PDE6B: variants seen among roughly 807,000 people sequenced by gnomAD.
PDE6B encodes phosphodiesterase 6B, also known as rod cGMP-specific 3',5'-cyclic phosphodiesterase subunit beta.
In PDE6B, 106 loss-of-function variants were observed where a neutral mutation model predicts 109.0. That is an observed-to-expected ratio of 0.97 (90% confidence interval 0.83 to 1.14). The LOEUF (loss-of-function observed/expected upper bound fraction) is 1.14. Among genes scored for constraint, PDE6B ranks in the 50% most tolerant of loss-of-function variants. PDE6B has a pLI of 0.00. For synonymous variants in PDE6B, 490 were observed against 471.3 expected (o/e 1.04, Z -0.51); for missense variants, 1,193 against 1,155.6 (o/e 1.03, Z -0.47).
chr4:626,079 C>T lies in PDE6B; in HGVS notation c.453C>T (p.Val151=), dbSNP rs763598544. 5 of 1,585,764 alleles carry T rather than the reference C, an allele frequency of 3.2e-6. No individual in the cohort carries two copies. Among genetic ancestry groups the T allele is most frequent in the Middle Eastern group, 1.7e-4 (1 of 5,754 alleles). ...HVAQTKKMVN[V]EDVAECPHFS... Reference sequence around the variant, plus strand: ...CTCAGACCAAAAAGATGGTGAACGTCGAGGACGTGGCCGAGGTGGGTCTGT... The same window carrying T: ...CTCAGACCAAAAAGATGGTGAACGTTGAGGACGTGGCCGAGGTGGGTCTGT... The change falls in exon 1 of 22, where the codon GTC becomes GTT. Residue 151 remains valine (V), a synonymous_variant. Coordinates refer to ENST00000496514, the MANE Select transcript of PDE6B (RefSeq NM_000283.4). This position sits in a 1 kb window ranked among gnomAD's most constrained non-coding sequence, Gnocchi z 4.6.
Position 663,987 on chromosome 4 carries a change from C to G in PDE6B, c.2021+117C>G, listed in dbSNP as rs1257476090. On this transcript the variant is annotated intron_variant, in intron 16 of 21. Transcript: ENST00000496514. The surrounding 1 kb of genome is among the most constrained non-coding windows in gnomAD (Gnocchi z 4.0). ...GGGGACGCAGCCCCGGATTCCGTCC[C>G]TGCCCGCCGGCCCCGCGCACCCCGG... The G allele has an allele frequency of 9.0e-7, 1 of 1,112,988 alleles. No individual in the cohort carries two copies. The highest frequency in any genetic ancestry group is 2.4e-5 in the East Asian group (1 of 40,926). The allele number at this position is 1,112,988 out of a possible 1,614,324, so 68.9% of individuals were successfully genotyped here.
chr4:635,792 G>A, intron 2 of PDE6B, 88 bp from the exon 3 acceptor site: 1 of 769,676 alleles, frequency 1.3e-6, no homozygotes, highest in Non-Finnish European at 2.4e-6. Context: ...GCACCCTCAG[G>A]CGAGCATGTT....
Position 665,989 on chromosome 4 carries a change from G to A in PDE6B, c.2269-542G>A, listed in dbSNP as rs1051981797. 2.0e-5 allele frequency among the ~76,000 whole-genome samples: 3 copies of A among 152,178 alleles called. No homozygotes were observed. Among genetic ancestry groups the A allele is most frequent in the Admixed American group, 6.5e-5 (1 of 15,286 alleles). On this transcript the variant is annotated intron_variant, in intron 19 of 21. Coordinates refer to ENST00000496514, the MANE Select transcript of PDE6B (RefSeq NM_000283.4). The surrounding 1 kb of genome is among the most constrained non-coding windows in gnomAD (Gnocchi z 4.0). Reference sequence around the variant, plus strand: ...GGTTGGTCAGCAAAGCCCCACAGGGGAAGGACAGGCAGCAGGTCCATCCCC... The same window carrying A: ...GGTTGGTCAGCAAAGCCCCACAGGGAAAGGACAGGCAGCAGGTCCATCCCC...
At position 663,362 on chromosome 4, in the gene PDE6B, C is replaced by T. The variant is rs1183906083; in HGVS notation, c.1920+175C>T. Among the ~76,000 whole-genome samples, 2 of 152,146 alleles carry T rather than the reference C, an allele frequency of 1.3e-5. No individual in the cohort carries two copies. The highest frequency in any genetic ancestry group is 6.5e-5 in the Admixed American group (1 of 15,278). ...GGGCCGAGGCTGAGGGCAGGTGCAT[C>T]GGAGGCCCTGGGAAAACGCTTGTGG... On this transcript the variant is annotated intron_variant, in intron 15 of 21. Transcript: ENST00000496514. The surrounding 1 kb of genome is among the most constrained non-coding windows in gnomAD (Gnocchi z 4.0).
At chr4:664,288 G>A (rs1442462115) in intron 17 of PDE6B, 67 bp downstream of exon 17, 2 of 902,746 alleles carry the variant, frequency 2.2e-6, no homozygotes, top group African/African-American at 1.6e-5. Flanking sequence ...TCACCAGCTG[G>A]TTAACCCTGC....
intron 10 of PDE6B, 105 bp downstream of exon 10, chr4:657,599 AGGTCATCCAGG>A (rs1459397972): frequency 1.9e-6 from 2 of 1,055,312 alleles, no homozygotes; most frequent in East Asian, 3.2e-5. Flanking sequence ...TGGTGGGGGC[AGGTCATCCAGG>A]GGTCACCCAG....
chr4:629,541 G>A (rs1325347673), intron 1 of PDE6B, among the ~76,000 whole-genome samples: 1 of 152,258 alleles, frequency 6.6e-6, no homozygotes. Flanking sequence ...GACCGTCATG[G>A]GAACCCATCC....
intron 7 of PDE6B, 51 bp downstream of exon 7, chr4:656,057 G>C (rs187600546): frequency 1.6e-6 from 2 of 1,212,180 alleles, no homozygotes; most frequent in Middle Eastern, 1.9e-4. Context: ...CACTGGGTGC[G>C]GCGATGTGTG....
rs940585809 is a variant in PDE6B, at chr4:647,710, A to G, written c.712-6142A>G. On this transcript the variant is annotated intron_variant, in intron 3 of 21. Coordinates refer to ENST00000496514, the MANE Select transcript of PDE6B (RefSeq NM_000283.4). ...CGCATCTCGGGTGAGGGCTTCACAG[A>G]TGCATGGGGGGAGGGGCACGCAATC... Among the ~76,000 whole-genome samples the G allele has an allele frequency of 2.6e-5, 4 of 151,914 alleles. 1 individual carries two copies. The highest frequency in any genetic ancestry group is 9.7e-5 in the African/African-American group (4 of 41,246).
Position 663,604 on chromosome 4 carries a change from C to A in PDE6B, c.1921-166C>A. The A allele has an allele frequency of 1.5e-6, 1 of 664,100 alleles. No individual in the cohort carries two copies. The highest frequency in any genetic ancestry group is 2.7e-6 in the Non-Finnish European group (1 of 365,226). The allele number at this position is 664,100 out of a possible 1,614,324, so 41.1% of individuals were successfully genotyped here. A position where few individuals can be genotyped will look rare whatever the true frequency, so the allele number is the denominator to read the frequency against. On this transcript the variant is annotated intron_variant, in intron 15 of 21. Coordinates refer to ENST00000496514, the MANE Select transcript of PDE6B (RefSeq NM_000283.4). The surrounding 1 kb of genome is among the most constrained non-coding windows in gnomAD (Gnocchi z 4.0). ...GGAGCCGCTGGTGGAGAGCTGGGCA[C>A]CCTGAGGAGGGCCCTGAGCAGCAGG... is the stretch of plus-strand genomic sequence containing the variant.
At position 656,909 on chromosome 4, in the gene PDE6B, G is replaced by C. The variant is rs1191669298; in HGVS notation, c.1143G>C (p.Lys381Asn). 42 of 1,612,868 alleles carry C rather than the reference G, an allele frequency of 2.6e-5. No homozygotes were observed. Among genetic ancestry groups the C allele is most frequent in the Non-Finnish European group, 3.4e-5 (40 of 1,179,960 alleles). ...TGGACGACTCCGGGTGGCTCATCAA[G>C]AATGTGCTGTCCATGCCCATCGTCA... ...GALDDSGWLIKNVLSMPIVNK... is the reference protein window; with the variant it reads ...GALDDSGWLINNVLSMPIVNK... Residue 381 changes from lysine (K) to asparagine (N), a missense_variant, in exon 9 of 22, where the codon AAG (lysine) becomes AAC (asparagine). Lys to Asn is a moderately conservative substitution (Grantham distance 94). Transcript: ENST00000496514.
Position 653,882 on chromosome 4 carries a change from G to T in PDE6B, c.742G>T (p.Glu248Ter). ...VLLWSANKVF[E>*]ELTDIERQFH... ...GCTGTGGTCGGCCAACAAGGTGTTT[G>T]AGGAGCTGACGGACATCGAGAGGCA... Residue 248 changes from glutamate (E) to a stop codon, truncating the protein, a stop_gained, in exon 4 of 22, where the codon GAG (glutamate) becomes TAG (stop). Coordinates refer to ENST00000496514, the MANE Select transcript of PDE6B (RefSeq NM_000283.4). LOFTEE classifies it high-confidence loss of function. 5 of 1,613,884 alleles carry T rather than the reference G, an allele frequency of 3.1e-6. No individual in the cohort carries two copies. Among genetic ancestry groups the T allele is most frequent in the Non-Finnish European group, 4.2e-6 (5 of 1,180,026 alleles).
chr4:664,660 A>G lies in PDE6B; in HGVS notation c.2130-221A>G, dbSNP rs1378839640. On this transcript the variant is annotated intron_variant, in intron 17 of 21. Coordinates refer to ENST00000496514, the MANE Select transcript of PDE6B (RefSeq NM_000283.4). ...GTGAAACCCCGTCTCTACCGAAAAT[A>G]CAAAAATTAGCCGGGCGTGGTGGCG... Among the ~76,000 whole-genome samples, 12 of 152,256 alleles carry G rather than the reference A, an allele frequency of 7.9e-5. No homozygotes were observed. In the South Asian group the frequency reaches 1.7e-3, roughly 21 times the overall value.
At position 666,476 on chromosome 4, in the gene PDE6B, C is replaced by A; in HGVS notation, c.2269-55C>A. On this transcript the variant is annotated intron_variant, in intron 19 of 21. Coordinates refer to ENST00000496514, the MANE Select transcript of PDE6B (RefSeq NM_000283.4). The surrounding 1 kb of genome is among the most constrained non-coding windows in gnomAD (Gnocchi z 5.6). The stretch of plus-strand genomic sequence containing the variant: ...GAGGGGGTCGGGGGGCTGGGCGGGG[C>A]CCCAGGAGCTGCCTCCCTGGTCACT... 8.1e-6 allele frequency: 10 copies of A among 1,228,616 alleles called. No individual in the cohort carries two copies. The highest frequency in any genetic ancestry group is 1.1e-5 in the Non-Finnish European group (9 of 830,280). 76.1% of individuals were successfully genotyped at this position (1,228,616 alleles called of 1,614,324 possible). A position where few individuals can be genotyped will look rare whatever the true frequency, so the allele number is the denominator to read the frequency against.
intron 3 of PDE6B, among the ~76,000 whole-genome samples, chr4:647,050 G>A (rs1735240243): frequency 6.6e-6 from 1 of 151,874 alleles, no homozygotes; most frequent in Admixed American, 6.6e-5. Flanking sequence ...GTAGAGATGA[G>A]TGTCACCATG....
Position 648,740 on chromosome 4 carries a change from G to A in PDE6B, c.712-5112G>A, listed in dbSNP as rs1362225447. The stretch of plus-strand genomic sequence containing the variant: ...GCAGCTGCCTGTTCGGCTTAGTGGA[G>A]CAATTCTCACCGCCCAGCTGTCTGA... On this transcript the variant is annotated intron_variant, in intron 3 of 21. Transcript: ENST00000496514. The surrounding 1 kb of genome is among the most constrained non-coding windows in gnomAD (Gnocchi z 4.5). Among the ~76,000 whole-genome samples the A allele has an allele frequency of 1.3e-5, 2 of 152,246 alleles. No homozygotes were observed. The highest frequency in any genetic ancestry group is 4.8e-5 in the African/African-American group (2 of 41,478).
Position 663,312 on chromosome 4 carries a change from G to A in PDE6B, c.1920+125G>A, listed in dbSNP as rs1035460245. On this transcript the variant is annotated intron_variant, in intron 15 of 21. Transcript: ENST00000496514. This position sits in a 1 kb window ranked among gnomAD's most constrained non-coding sequence, Gnocchi z 4.0. ...GGTGAGCACTGGGTGTGTGAGCACT[G>A]GGGGAGGGCGGCAGAGAAGGCGGAG... 8.5e-6 allele frequency: 6 copies of A among 706,096 alleles called. No individual in the cohort carries two copies. In the Admixed American group the frequency reaches 1.1e-4, roughly 13 times the overall value. 43.7% of individuals were successfully genotyped at this position (706,096 alleles called of 1,614,324 possible).
chr4:660,381 G>C lies in PDE6B; in HGVS notation c.1468-86G>C, dbSNP rs562877267. On this transcript the variant is annotated intron_variant, in intron 11 of 21. Coordinates refer to ENST00000496514, the MANE Select transcript of PDE6B (RefSeq NM_000283.4). ...AGATGCCTGAGGTGTCTGAGGCTTG[G>C]CAGGGGATCTGGAGAGAAGAAAGGA... 21 of 1,368,250 alleles carry C rather than the reference G, an allele frequency of 1.5e-5. No individual in the cohort carries two copies. In the South Asian group the frequency reaches 2.3e-4, roughly 15 times the overall value. 84.8% of individuals were successfully genotyped at this position (1,368,250 alleles called of 1,614,324 possible). A position where few individuals can be genotyped will look rare whatever the true frequency, so the allele number is the denominator to read the frequency against.
chr4:652,401 G>C (rs1379053157), intron 3 of PDE6B: 5 of 509,846 alleles, frequency 9.8e-6, no homozygotes, highest in Non-Finnish European at 1.3e-5. Context: ...TGGAAAGGGG[G>C]TTGCAGGAGG....
Sources: allele counts gnomAD v4.1 joint callset (sites outside exome capture counted in the v4.1 genomes callset), GRCh38; gene constraint gnomAD v4.1.1; non-coding constraint Gnocchi (gnomAD v3.1); transcripts MANE v1.5; gene names NCBI Gene and HGNC (gene_info 2026-07-23, HGNC 2026-07-21).